XRCC4: variants seen among roughly 807,000 people sequenced by gnomAD.
XRCC4 encodes X-ray repair cross complementing 4, also known as DNA repair protein XRCC4.
XRCC4 carries 28 observed loss-of-function variants against 39.1 expected under a neutral mutation model. That is an observed-to-expected ratio of 0.72 (90% CI 0.53 to 0.98). The LOEUF is 0.98. Among genes scored for constraint, XRCC4 ranks in the 50% least tolerant of loss-of-function variants. XRCC4 has a pLI of 0.00. For synonymous variants in XRCC4, 123 were observed against 126.4 expected, an observed-to-expected ratio of 0.97 and a Z score of 0.18; for missense variants, 350 against 376.4, an observed-to-expected ratio of 0.93 and a Z score of 0.58.
At chr5:83,370,263 G>A in the XRCC4 span, among the ~76,000 whole-genome samples, 1 of 152,094 alleles carries the variant, frequency 6.6e-6, no homozygotes, top group Non-Finnish European at 1.5e-5. Flanking sequence ...GATTCTTGTT[G>A]CAGATTCCCC....
At chr5:83,162,442 G>A (rs1471742359) in intron 3 of XRCC4, among the ~76,000 whole-genome samples, 1 of 152,058 alleles carries the variant, frequency 6.6e-6, no homozygotes, top group African/African-American at 2.4e-5. Flanking sequence ...CTCCCTTATT[G>A]TCAGATTCCT....
At position 83,280,145 on chromosome 5, in the gene XRCC4, A is replaced by G. The variant is rs117642927; in HGVS notation, c.893+21468A>G. 4.2e-4 allele frequency: 99 copies of G among 234,904 alleles called. 1 individual carries two copies. In the East Asian group the frequency reaches 0.01, roughly 24 times the overall value. The allele number at this position is 234,904 out of a possible 1,614,324, so 14.6% of individuals were successfully genotyped here. ...ACCTGGGCTAAAACACCAGTCTCCA[A>G]ATGATCGAGAAGTTTCCCATCAATA... is the stretch of plus-strand genomic sequence containing the variant. On this transcript the variant is annotated intron_variant, in intron 7 of 7. Coordinates refer to ENST00000396027, the MANE Select transcript of XRCC4 (RefSeq NM_003401.5).
intron 6 of XRCC4, among the ~76,000 whole-genome samples, chr5:83,249,991 A>G (rs1753248067): frequency 6.6e-6 from 1 of 152,132 alleles, no homozygotes; most frequent in African/African-American, 2.4e-5. Flanking sequence ...TCTAGATTTG[A>G]TTAACAGTTG....
chr5:83,089,487 A>G (rs1745324390), intron 1 of XRCC4, among the ~76,000 whole-genome samples: 1 of 152,160 alleles, frequency 6.6e-6, no homozygotes, highest in Non-Finnish European at 1.5e-5. Flanking sequence ...CTCTAACACC[A>G]AGTGGGTATT....
At chr5:83,278,241 T>C (rs1402935613) in intron 7 of XRCC4, among the ~76,000 whole-genome samples, 1 of 152,216 alleles carries the variant, frequency 6.6e-6, no homozygotes, top group African/African-American at 2.4e-5. Context: ...GAAGCGGTAG[T>C]CTTCACTCCC....
intron 3 of XRCC4, among the ~76,000 whole-genome samples, chr5:83,167,389 G>C (rs1749533483): frequency 6.6e-6 from 1 of 152,170 alleles, no homozygotes; most frequent in Non-Finnish European, 1.5e-5. Context: ...ATGAGATTCT[G>C]ACAGTACAAG....
At chr5:83,211,385 G>GA (rs1427220241) in intron 6 of XRCC4, among the ~76,000 whole-genome samples, 1 of 152,200 alleles carries the variant, frequency 6.6e-6, no homozygotes, top group East Asian at 1.9e-4. Flanking sequence ...TAGAAGTAAT[G>GA]ATCTTGGTGT....
chr5:83,202,247 T>C (rs1751234126), intron 4 of XRCC4: 4 of 152,182 alleles, frequency 2.6e-5, no homozygotes, highest in Admixed American at 2.6e-4. Flanking sequence ...CATATTAATT[T>C]ATTCACTTTA....
chr5:83,162,035 C>T (rs1014144925), intron 3 of XRCC4, among the ~76,000 whole-genome samples: 12 of 151,992 alleles, frequency 7.9e-5, no homozygotes, highest in East Asian at 1.9e-4. Flanking sequence ...GGTGTGGTGG[C>T]GGGTGCCTGT....
intron 3 of XRCC4, among the ~76,000 whole-genome samples, chr5:83,123,128 T>C (rs1747091968): frequency 6.6e-6 from 1 of 152,162 alleles, no homozygotes. Context: ...TGACTGATAA[T>C]GTATTAAAAT....
intron 7 of XRCC4, among the ~76,000 whole-genome samples, chr5:83,300,746 A>G (rs1278963577): frequency 6.7e-6 from 1 of 149,826 alleles, no homozygotes; most frequent in African/African-American, 2.5e-5. Flanking sequence ...CCACCCCCCA[A>G]CAGGCCCCGT....
intron 1 of XRCC4, among the ~76,000 whole-genome samples, chr5:83,085,386 A>T (rs1320858675): frequency 6.6e-6 from 1 of 152,170 alleles, no homozygotes; most frequent in Admixed American, 6.5e-5. Context: ...ATAAATACGG[A>T]ACATGTCCAA....
chr5:83,122,422 TG>T (rs1747053284), intron 3 of XRCC4, among the ~76,000 whole-genome samples: 1 of 152,128 alleles, frequency 6.6e-6, no homozygotes, highest in Admixed American at 6.5e-5. Flanking sequence ...AGGCATCCAA[TG>T]GGAAGAAGGC....
downstream of XRCC4, among the ~76,000 whole-genome samples, chr5:83,357,747 G>A (rs1157246976): frequency 1.3e-5 from 2 of 152,168 alleles, no homozygotes; most frequent in East Asian, 3.9e-4. Flanking sequence ...AAAATCGAAG[G>A]TCATAGGGCC....
intron 7 of XRCC4, among the ~76,000 whole-genome samples, chr5:83,275,702 C>G (rs538609601): frequency 6.6e-6 from 1 of 152,130 alleles, no homozygotes; most frequent in Non-Finnish European, 1.5e-5. Context: ...ATTGGAGAGT[C>G]CTAGACATTT....
chr5:83,178,947 TC>T (rs1750082163), intron 3 of XRCC4, among the ~76,000 whole-genome samples: 1 of 152,168 alleles, frequency 6.6e-6, no homozygotes, highest in Admixed American at 6.5e-5. Flanking sequence ...CCCAAAGTAC[TC>T]CTTCTCTATT....
chr5:83,083,567 G>A (rs1366348888), intron 1 of XRCC4, among the ~76,000 whole-genome samples: 1 of 151,754 alleles, frequency 6.6e-6, no homozygotes, highest in South Asian at 2.1e-4. Flanking sequence ...TAGTACAGAC[G>A]GGGTTTCACC....
At chr5:83,206,649 A>G (rs1410229187) in intron 6 of XRCC4, among the ~76,000 whole-genome samples, 1 of 152,114 alleles carries the variant, frequency 6.6e-6, no homozygotes, top group African/African-American at 2.4e-5. Context: ...AGGAAGTAGG[A>G]TAAAGAAAAG....
the XRCC4 span, among the ~76,000 whole-genome samples, chr5:83,371,059 C>A: frequency 1.3e-5 from 2 of 152,162 alleles, no homozygotes; most frequent in African/African-American, 4.8e-5. Flanking sequence ...TCTTTGTCAT[C>A]CACTCTGATT....
Sources: allele counts gnomAD v4.1 joint callset (sites outside exome capture counted in the v4.1 genomes callset), GRCh38; gene constraint gnomAD v4.1.1; transcripts MANE v1.5; gene names NCBI Gene and HGNC (gene_info 2026-07-23, HGNC 2026-07-21).